Variants in LYPLAL1 observed in about 807,000 individuals in gnomAD.
The protein encoded by LYPLAL1 is lysophospholipase-like protein 1.
In LYPLAL1, 23 loss-of-function variants were observed where a neutral mutation model predicts 19.7. That is an observed-to-expected ratio of 1.17 (90% CI 0.84 to 1.65). The LOEUF is 1.65. LYPLAL1 is among the 40% of genes most tolerant of loss of function. LYPLAL1 has a pLI of 0.00. For synonymous variants in LYPLAL1, 119 were observed against 96.3 expected (o/e 1.24, Z -1.38); for missense variants, 355 against 279.4 (o/e 1.27, Z -1.93).
At chr1:219,214,304 G>T (rs1409845581), downstream of LYPLAL1, among the ~76,000 whole-genome samples, 6 of 152,032 alleles carry the variant, frequency 3.9e-5, no homozygotes, top group African/African-American at 1.4e-4. Context: ...TTGTGTCTAT[G>T]TTCACGAAAG....
At chr1:219,184,874 T>C (rs781127215) in intron 2 of LYPLAL1, among the ~76,000 whole-genome samples, 8 of 152,054 alleles carry the variant, frequency 5.3e-5, no homozygotes, top group Non-Finnish European at 8.8e-5. Flanking sequence ...TCATGAGGAA[T>C]ATTGTTCTGT....
the LYPLAL1 span, among the ~76,000 whole-genome samples, chr1:219,444,450 C>T: frequency 6.6e-6 from 1 of 152,204 alleles, no homozygotes; most frequent in African/African-American, 2.4e-5. Context: ...GTCTCACAAT[C>T]ATCTAAGCTG....
At chr1:219,287,537 A>G in the LYPLAL1 span, among the ~76,000 whole-genome samples, 1 of 152,206 alleles carries the variant, frequency 6.6e-6, no homozygotes, top group African/African-American at 2.4e-5. Flanking sequence ...CATCTATTAG[A>G]CGCCTACACA....
rs1280549923 is a variant in LYPLAL1, at chr1:219,206,736, T to A, written c.362-3796T>A. On this transcript the variant is annotated intron_variant, in intron 3 of 4. Transcript: ENST00000366928. ...TTTTCTTTCTCTCTTTTTTTTTTTTTAAGTTGTTACCATCAAAAGTCTCTG... is the reference window on the plus strand; with the variant it reads ...TTTTCTTTCTCTCTTTTTTTTTTTTAAAGTTGTTACCATCAAAAGTCTCTG... 2.6e-5 allele frequency among the ~76,000 whole-genome samples: 4 copies of A among 151,366 alleles called. 1 individual carries two copies. Among genetic ancestry groups the A allele is most frequent in the African/African-American group, 9.7e-5 (4 of 41,338 alleles).
chr1:219,250,106 A>T, the LYPLAL1 span, among the ~76,000 whole-genome samples: 1 of 152,022 alleles, frequency 6.6e-6, no homozygotes, highest in Admixed American at 6.6e-5. Flanking sequence ...ATTTTTGTCT[A>T]CACCAAAGTC....
At chr1:219,434,637 A>T in the LYPLAL1 span, among the ~76,000 whole-genome samples, 1 of 152,174 alleles carries the variant, frequency 6.6e-6, no homozygotes, top group African/African-American at 2.4e-5. Flanking sequence ...TCCTTCAGCA[A>T]TGCTGTGATT....
At chr1:219,357,758 T>C in the LYPLAL1 span, among the ~76,000 whole-genome samples, 1 of 152,186 alleles carries the variant, frequency 6.6e-6, no homozygotes, top group African/African-American at 2.4e-5. Context: ...ATGTTCATAA[T>C]AGCTTTGTTT....
At chr1:219,374,049 A>G in the LYPLAL1 span, among the ~76,000 whole-genome samples, 1 of 152,046 alleles carries the variant, frequency 6.6e-6, no homozygotes, top group Non-Finnish European at 1.5e-5. Context: ...GCTGCTGTGC[A>G]TATCCAAGAA....
the LYPLAL1 span, among the ~76,000 whole-genome samples, chr1:219,229,763 A>G: frequency 6.6e-6 from 1 of 152,330 alleles, no homozygotes; most frequent in African/African-American, 2.4e-5. Context: ...GTGGGACACT[A>G]AAGAAACGAG....
chr1:219,333,418 C>T, the LYPLAL1 span, among the ~76,000 whole-genome samples: 12 of 151,950 alleles, frequency 7.9e-5, no homozygotes, highest in Non-Finnish European at 1.0e-4. Context: ...TACAGTCATA[C>T]ATGGCAGCAC....
the LYPLAL1 span, among the ~76,000 whole-genome samples, chr1:219,417,091 T>TC: frequency 3.9e-5 from 6 of 152,122 alleles, no homozygotes; most frequent in African/African-American, 1.4e-4. Context: ...ACTCTTTTTT[T>TC]CCCCCTTTCC....
the LYPLAL1 span, among the ~76,000 whole-genome samples, chr1:219,249,281 C>G: frequency 6.6e-6 from 1 of 152,000 alleles, no homozygotes; most frequent in African/African-American, 2.4e-5. Flanking sequence ...CTTATTTTCT[C>G]TGGTATTTGG....
the LYPLAL1 span, among the ~76,000 whole-genome samples, chr1:219,406,937 A>C: frequency 6.6e-6 from 1 of 152,326 alleles, no homozygotes; most frequent in Non-Finnish European, 1.5e-5. Context: ...GAGTACCTCA[A>C]ATATAACTGA....
At chr1:219,378,730 T>A in the LYPLAL1 span, among the ~76,000 whole-genome samples, 32 of 152,040 alleles carry the variant, frequency 2.1e-4, no homozygotes, top group Non-Finnish European at 2.9e-4. Flanking sequence ...TGCTTTAGCA[T>A]GAATATTTAA....
chr1:219,206,728 T>C (rs1658599242), intron 3 of LYPLAL1, among the ~76,000 whole-genome samples: 1 of 151,672 alleles, frequency 6.6e-6, no homozygotes, highest in Non-Finnish European at 1.5e-5. Flanking sequence ...TCTCTCTTTT[T>C]TTTTTTTTAA....
At chr1:219,439,476 T>C in the LYPLAL1 span, among the ~76,000 whole-genome samples, 1 of 152,156 alleles carries the variant, frequency 6.6e-6, no homozygotes, top group East Asian at 1.9e-4. Context: ...ATTCCTACTC[T>C]CCAAAACAAA....
the LYPLAL1 span, among the ~76,000 whole-genome samples, chr1:219,250,327 A>G: frequency 6.6e-6 from 1 of 152,016 alleles, no homozygotes; most frequent in African/African-American, 2.4e-5. Context: ...GTGACCACAT[A>G]TCTGTGTTTG....
the LYPLAL1 span, among the ~76,000 whole-genome samples, chr1:219,434,859 T>G: frequency 1.3e-5 from 2 of 151,942 alleles, no homozygotes; most frequent in African/African-American, 4.8e-5. Context: ...GAGATTTCAC[T>G]CTGTTGTAAC....
chr1:219,225,604 T>C, the LYPLAL1 span: 1 of 152,246 alleles, frequency 6.6e-6, no homozygotes, highest in Non-Finnish European at 1.5e-5. Flanking sequence ...TCAGTTTGGA[T>C]GGATCTCCCA....
Sources: allele counts gnomAD v4.1 joint callset (sites outside exome capture counted in the v4.1 genomes callset), GRCh38; gene constraint gnomAD v4.1.1; transcripts MANE v1.5; gene names NCBI Gene and HGNC (gene_info 2026-07-23, HGNC 2026-07-21).